Variants in DNAJC11 observed in about 807,000 individuals in gnomAD.
The protein encoded by DNAJC11 is DnaJ heat shock protein family (Hsp40) member C11.
DNAJC11 carries 15 observed loss-of-function variants against 78.6 expected under a neutral mutation model. That is an observed-to-expected ratio of 0.19 (90% CI 0.13 to 0.29). DNAJC11 has a LOEUF of 0.29. Ranked by LOEUF, DNAJC11 falls within the 10% of genes least tolerant of loss-of-function variation. The pLI, the probability that DNAJC11 is intolerant of heterozygous loss-of-function variation, is 1.00. For synonymous variants in DNAJC11, 292 were observed against 272.1 expected (o/e 1.07, Z -0.72); for missense variants, 547 against 709.6 (o/e 0.77, Z 2.60).
chr1:6,698,875 C>T (rs1642881799), intron 1 of DNAJC11, among the ~76,000 whole-genome samples: 1 of 150,222 alleles, frequency 6.7e-6, no homozygotes, highest in Admixed American at 6.7e-5. Flanking sequence ...CGGGGAAGGT[C>T]GAGGCTGCTA....
chr1:6,662,832 C>CCAG (rs70981398), intron 4 of DNAJC11, among the ~76,000 whole-genome samples: 135,487 of 151,704 alleles, frequency 0.89, 60,829 homozygotes, highest in Admixed American at 0.95. Flanking sequence ...GCCACCCCAG[C>CCAG]CAGCAACAAC....
chr1:6,664,481 A>C (rs1251629625), intron 4 of DNAJC11, among the ~76,000 whole-genome samples: 1 of 151,858 alleles, frequency 6.6e-6, no homozygotes, highest in Non-Finnish European at 1.5e-5. Context: ...CTCGTAATCC[A>C]CCTGCCTCGG....
In DNAJC11 at chr1:6,667,732, A is replaced by G. The variant is rs186443155; in HGVS notation, c.355T>C (p.Leu119=). The stretch of plus-strand genomic sequence containing the variant: ...ACCTTGGGATTGGTTCGCTGCTGCA[A>G]TCTCCTCTCTTCTCTCTCTCTCTGC... ...RLQREREERR[L]QQRTNPKGTI... Residue 119 remains leucine (L), a synonymous_variant, in exon 4 of 16, where the codon TTG becomes CTG. Transcript: ENST00000377577. 113 of 1,613,870 alleles carry G rather than the reference A, an allele frequency of 7.0e-5. No homozygotes were observed. The East Asian group carries it at 1.1e-3, about 16-fold the overall frequency.
Position 6,670,120 on chromosome 1 carries a change from A to AT in DNAJC11, c.277-2311dup, listed in dbSNP as rs567170748. ...AGGTGTGCGGCACCACGCCTGGTTA[A>AT]TTTTTTTTTTGTATTTTTTAGTAGA... On this transcript the variant is annotated intron_variant, in intron 3 of 15. Coordinates refer to ENST00000377577, the MANE Select transcript of DNAJC11 (RefSeq NM_018198.4). Among the ~76,000 whole-genome samples the AT allele has an allele frequency of 8.6e-3, 1,281 of 149,536 alleles. 8 individuals carry two copies. Among genetic ancestry groups the AT allele is most frequent in the Non-Finnish European group, 0.013 (870 of 67,158 alleles).
chr1:6,675,385 G>A (rs1334854854), intron 3 of DNAJC11, among the ~76,000 whole-genome samples: 2 of 150,562 alleles, frequency 1.3e-5, no homozygotes, highest in Admixed American at 6.6e-5. Context: ...TGCCACCCAC[G>A]ACTGTGCACT....
intron 4 of DNAJC11, among the ~76,000 whole-genome samples, chr1:6,663,050 G>A (rs1259111466): frequency 1.3e-5 from 2 of 152,164 alleles, no homozygotes; most frequent in African/African-American, 4.8e-5. Context: ...GAGCCCCCAT[G>A]CCTGGCCGAT....
intron 6 of DNAJC11, among the ~76,000 whole-genome samples, chr1:6,651,966 G>T (rs985005288): frequency 7.6e-6 from 1 of 131,466 alleles, no homozygotes; most frequent in East Asian, 2.4e-4. Flanking sequence ...ACTGCGGTCC[G>T]GTGTGCCCCC....
At chr1:6,688,638 GA>G (rs1201316423) in intron 1 of DNAJC11, among the ~76,000 whole-genome samples, 1 of 152,154 alleles carries the variant, frequency 6.6e-6, no homozygotes, top group Non-Finnish European at 1.5e-5. Context: ...GAAGTTCACA[GA>G]AGTCAGAATG....
At chr1:6,637,923 A>G (rs1278191608) in intron 12 of DNAJC11, 1 of 387,482 alleles carries the variant, frequency 2.6e-6, no homozygotes, top group Non-Finnish European at 4.7e-6. Flanking sequence ...TCTGCTGGGC[A>G]TAGCTGTGCC....
At chr1:6,644,368 A>G (rs1313112628) in intron 10 of DNAJC11, among the ~76,000 whole-genome samples, 190 bp downstream of exon 10, 1 of 152,188 alleles carries the variant, frequency 6.6e-6, no homozygotes, top group Admixed American at 6.5e-5. Context: ...TCCTGACCTC[A>G]GGCGATCCGG....
At chr1:6,688,377 A>G (rs192869600) in intron 1 of DNAJC11, among the ~76,000 whole-genome samples, 5 of 152,372 alleles carry the variant, frequency 3.3e-5, no homozygotes, top group African/African-American at 7.2e-5. Context: ...GTATTCCTCA[A>G]GAATACCAGT....
intron 3 of DNAJC11, among the ~76,000 whole-genome samples, chr1:6,676,697 A>G (rs751409041): frequency 1.3e-5 from 2 of 152,050 alleles, no homozygotes; most frequent in Non-Finnish European, 2.9e-5. Context: ...AAACACACAC[A>G]CACACCAAAA....
intron 10 of DNAJC11, among the ~76,000 whole-genome samples, chr1:6,640,559 T>A (rs542334643): frequency 2.6e-5 from 4 of 152,090 alleles, no homozygotes; most frequent in African/African-American, 9.7e-5. Flanking sequence ...TGGCCAGGCG[T>A]GGTGGCTCAC....
chr1:6,677,739 G>A (rs541373088), intron 3 of DNAJC11, among the ~76,000 whole-genome samples: 7 of 152,326 alleles, frequency 4.6e-5, no homozygotes, highest in African/African-American at 1.4e-4. Context: ...CTGCTAGTCA[G>A]TGGCAGTGTG....
intron 7 of DNAJC11, among the ~76,000 whole-genome samples, chr1:6,649,458 C>T (rs544906345): frequency 5.3e-5 from 8 of 152,292 alleles, no homozygotes; most frequent in African/African-American, 4.8e-5. Context: ...CATGAGCCAC[C>T]GTGCTCAGCC....
At position 6,645,267 on chromosome 1, in the gene DNAJC11, A is replaced by G. The variant is rs570390644; in HGVS notation, c.895-141T>C. ...GGGTCACGGTCTGGCAGCCGCAGTG[A>G]GTGCACCATGATTTATTAGCAGCCA... is the stretch of plus-strand genomic sequence containing the variant. On this transcript the variant is annotated intron_variant, in intron 8 of 15. Coordinates refer to ENST00000377577, the MANE Select transcript of DNAJC11 (RefSeq NM_018198.4). This position sits in a 1 kb window ranked among gnomAD's most constrained non-coding sequence, Gnocchi z 4.1. 2 of 624,784 alleles carry G rather than the reference A, an allele frequency of 3.2e-6. No homozygotes were observed. Among genetic ancestry groups the G allele is most frequent in the East Asian group, 5.4e-5 (2 of 37,330 alleles). The allele number at this position is 624,784 out of a possible 1,614,324, so 38.7% of individuals were successfully genotyped here.
chr1:6,635,080 GT>G lies in DNAJC11; in HGVS notation c.*594del, dbSNP rs1641736183. The G allele has an allele frequency of 1.0e-5, 2 of 198,480 alleles. No homozygotes were observed. The highest frequency in any genetic ancestry group is 2.0e-5 in the Non-Finnish European group (2 of 98,396). 12.3% of individuals were successfully genotyped at this position (198,480 alleles called of 1,614,324 possible). ...TGGAATGACTTGAGCAGCTCTGGGA[GT>G]GGGGAAAAAAGACGACTAATTTCCA... On this transcript the variant is annotated 3_prime_UTR_variant, in exon 16 of 16. Coordinates refer to ENST00000377577, the MANE Select transcript of DNAJC11 (RefSeq NM_018198.4).
At chr1:6,657,776 C>A (rs1161902953) in intron 4 of DNAJC11, among the ~76,000 whole-genome samples, 1 of 152,202 alleles carries the variant, frequency 6.6e-6, no homozygotes, top group East Asian at 1.9e-4. Context: ...TCCCGAGTAG[C>A]TGGGACTACA....
intron 11 of DNAJC11, 113 bp from the exon 12 acceptor site, chr1:6,638,477 G>C: frequency 1.1e-6 from 1 of 908,948 alleles, no homozygotes; most frequent in Non-Finnish European, 1.6e-6. Context: ...GATCTTACTG[G>C]AGTTCAGTTG....
Sources: gnomAD v4.1 joint callset for allele counts (sites outside exome capture counted in the v4.1 genomes callset) on GRCh38, gnomAD v4.1.1 for gene constraint, Gnocchi (gnomAD v3.1) non-coding constraint, MANE v1.5 for transcripts, NCBI Gene and HGNC (gene_info 2026-07-23, HGNC 2026-07-21) for gene names.